ZNF138: variants seen among roughly 807,000 people sequenced by gnomAD.
ZNF138 encodes zinc finger protein 138, also known as zinc finger protein 138 (clone pHZ-32).
Under a neutral mutation model 33.0 loss-of-function variants are expected in ZNF138, and 33 were observed. The observed-to-expected ratio is 1.00, with a 90% CI of 0.76 to 1.34. ZNF138 has a LOEUF of 1.34. Among genes scored for constraint, ZNF138 ranks in the 40% most tolerant of loss-of-function variants. The pLI is 0.00. For synonymous variants in ZNF138, 139 were observed against 120.4 expected, an observed-to-expected ratio of 1.15 and a Z score of -1.01; for missense variants, 360 against 370.8, an observed-to-expected ratio of 0.97 and a Z score of 0.24.
At chr7:64,808,688 G>C (rs898753830) in intron 1 of ZNF138, among the ~76,000 whole-genome samples, 2 of 148,986 alleles carry the variant, frequency 1.3e-5, no homozygotes. Flanking sequence ...AAGGTCAGCA[G>C]ATAAACAAGT....
At position 64,831,927 on chromosome 7, in the gene ZNF138, G is replaced by C; in HGVS notation, c.685G>C (p.Gly229Arg). The C allele has an allele frequency of 3.1e-6, 5 of 1,613,602 alleles. No individual in the cohort carries two copies. The highest frequency in any genetic ancestry group is 3.4e-6 in the Non-Finnish European group (4 of 1,179,786). The stretch of plus-strand genomic sequence containing the variant: ...AAAACCCTACAAATGTGAAGTATGT[G>C]GAAAAGCCTTTCACCAATCCTCAAT... ...GEKPYKCEVC[G>R]KAFHQSSILT... The change falls in exon 4 of 4, where the codon GGA becomes CGA. Residue 229 changes from glycine to arginine, a missense_variant. Physicochemically the swap from Gly to Arg is moderately radical, Grantham distance 125. Transcript: ENST00000307355.
In ZNF138 at chr7:64,831,163, C is replaced by T. The variant is rs1176511262; in HGVS notation, c.209-288C>T. On this transcript the variant is annotated intron_variant, in intron 3 of 3. Coordinates refer to ENST00000307355, the MANE Select transcript of ZNF138 (RefSeq NM_001271639.2). Reference sequence around the variant, plus strand: ...AGAGGCACTATGTTATATCGGGGAACAGAAAGAGCTGTGTTGGGTAAATGT... The same window carrying T: ...AGAGGCACTATGTTATATCGGGGAATAGAAAGAGCTGTGTTGGGTAAATGT... 2.7e-6 allele frequency: 4 copies of T among 1,487,456 alleles called. No individual in the cohort carries two copies. In the Admixed American group the frequency reaches 6.5e-5, roughly 24 times the overall value. 92.1% of individuals were successfully genotyped at this position (1,487,456 alleles called of 1,614,324 possible). A position where few individuals can be genotyped will look rare whatever the true frequency, so the allele number is the denominator to read the frequency against.
intron 1 of ZNF138, among the ~76,000 whole-genome samples, chr7:64,807,765 A>G (rs190869827): frequency 6.6e-6 from 1 of 152,278 alleles, no homozygotes; most frequent in East Asian, 1.9e-4. Flanking sequence ...AGCTTTTCAG[A>G]TCTTGTTCAG....
At chr7:64,849,727 G>A in the ZNF138 span, among the ~76,000 whole-genome samples, 41,742 of 151,758 alleles carry the variant, frequency 0.28, 6,036 homozygotes, top group Middle Eastern at 0.32. Context: ...TGGGGGAAAG[G>A]GGGAGAGCCA....
At chr7:64,821,736 A>G (rs4316048) in intron 3 of ZNF138, among the ~76,000 whole-genome samples, 148,345 of 150,626 alleles carry the variant, frequency 0.98, 73,189 homozygotes, top group East Asian at 1. Flanking sequence ...TAGTGGAGAC[A>G]GGGTTTCACC....
At chr7:64,826,689 C>T (rs1488778163) in intron 3 of ZNF138, among the ~76,000 whole-genome samples, 1 of 151,022 alleles carries the variant, frequency 6.6e-6, no homozygotes, top group Non-Finnish European at 1.5e-5. Flanking sequence ...TTTCATTGCA[C>T]CCAAGGCTGG....
chr7:64,854,045 A>T, the ZNF138 span, among the ~76,000 whole-genome samples: 12 of 152,286 alleles, frequency 7.9e-5, no homozygotes, highest in Middle Eastern at 3.4e-3. Flanking sequence ...AGAAAAAAAA[A>T]AATAATTATT....
intron 3 of ZNF138, among the ~76,000 whole-genome samples, chr7:64,830,173 A>T (rs1198309638): frequency 6.6e-6 from 1 of 151,676 alleles, no homozygotes. Flanking sequence ...CATTATTTTC[A>T]TCTTGCAGCT....
intron 3 of ZNF138, among the ~76,000 whole-genome samples, chr7:64,823,122 C>T (rs1251786630): frequency 1.3e-5 from 2 of 152,180 alleles, no homozygotes; most frequent in South Asian, 2.1e-4. Context: ...TCAGGTGATC[C>T]GCCCACCTCG....
At chr7:64,800,564 G>A (rs147370188) in intron 1 of ZNF138, among the ~76,000 whole-genome samples, 4 of 152,170 alleles carry the variant, frequency 2.6e-5, no homozygotes, top group African/African-American at 9.6e-5. Flanking sequence ...TAACTTTTTG[G>A]TGTGCTGCTG....
At chr7:64,844,921 G>A in the ZNF138 span, among the ~76,000 whole-genome samples, 20 of 152,186 alleles carry the variant, frequency 1.3e-4, no homozygotes, top group East Asian at 5.8e-4. Context: ...CCCTGACCTC[G>A]TGATCTGCCC....
chr7:64,820,545 A>C (rs1324553937), intron 3 of ZNF138, among the ~76,000 whole-genome samples: 2 of 151,620 alleles, frequency 1.3e-5, no homozygotes, highest in Non-Finnish European at 2.9e-5. Flanking sequence ...ATAGATTCAT[A>C]AATGGGATTG....
intron 3 of ZNF138, among the ~76,000 whole-genome samples, chr7:64,825,518 CTTTTTT>C (rs1210731158): frequency 6.8e-6 from 1 of 147,064 alleles, no homozygotes; most frequent in African/African-American, 2.5e-5. Flanking sequence ...TTTTCTTTTT[CTTTTTT>C]TTGCTATTTA....
chr7:64,823,987 A>C (rs945696918), intron 3 of ZNF138, among the ~76,000 whole-genome samples: 1 of 152,206 alleles, frequency 6.6e-6, no homozygotes, highest in Non-Finnish European at 1.5e-5. Context: ...TTTATAACAG[A>C]ATACACCAGA....
At chr7:64,804,780 C>T (rs1461442688) in intron 1 of ZNF138, among the ~76,000 whole-genome samples, 2 of 151,930 alleles carry the variant, frequency 1.3e-5, no homozygotes, top group Admixed American at 6.6e-5. Context: ...GACTCTGTCT[C>T]AAAAGAAAAT....
In ZNF138 at chr7:64,832,191, A is replaced by G. The variant is rs754907977; in HGVS notation, c.949A>G (p.Asn317Asp). The G allele has an allele frequency of 5.2e-5, 83 of 1,605,910 alleles. No individual in the cohort carries two copies. Among genetic ancestry groups the G allele is most frequent in the Non-Finnish European group, 6.9e-5 (81 of 1,177,742 alleles). ...YKCEECGKAFNLS is the reference protein window; with the variant it reads ...YKCEECGKAFDLS ...ATGTGAGGAATGTGGCAAAGCTTTT[A>G]ACCTATCTTAACAACTTACTGAACA... The change falls in exon 4 of 4, where the codon AAC becomes GAC. Residue 317 changes from asparagine to aspartate, a missense_variant. Asn to Asp is a conservative substitution (Grantham distance 23, BLOSUM62 1). Coordinates refer to ENST00000307355, the MANE Select transcript of ZNF138 (RefSeq NM_001271639.2).
At chr7:64,851,444 G>A in the ZNF138 span, among the ~76,000 whole-genome samples, 13 of 152,144 alleles carry the variant, frequency 8.5e-5, no homozygotes, top group Admixed American at 2.0e-4. Context: ...ATGTACGAGC[G>A]CAAAGGACAA....
At chr7:64,804,995 C>T (rs1354615191) in intron 1 of ZNF138, among the ~76,000 whole-genome samples, 1 of 152,144 alleles carries the variant, frequency 6.6e-6, no homozygotes, top group Admixed American at 6.5e-5. Context: ...CTATTTCTAT[C>T]CCATGGTGTC....
chr7:64,854,555 G>C, the ZNF138 span, among the ~76,000 whole-genome samples: 1 of 152,162 alleles, frequency 6.6e-6, no homozygotes, highest in African/African-American at 2.4e-5. Flanking sequence ...TATAAATATT[G>C]CTTGAATGCA....
Sources: allele counts gnomAD v4.1 joint callset (sites outside exome capture counted in the v4.1 genomes callset), GRCh38; gene constraint gnomAD v4.1.1; transcripts MANE v1.5; gene names NCBI Gene and HGNC (gene_info 2026-07-23, HGNC 2026-07-21).